Variants in CEMIP2 observed in about 807,000 individuals in gnomAD.
The protein encoded by CEMIP2 is cell surface hyaluronidase CEMIP2.
A neutral mutation model predicts 146.9 loss-of-function variants in CEMIP2; 79 were observed. The ratio of observed to expected loss-of-function variants is 0.54; its 90% CI spans 0.45 to 0.65. The LOEUF (loss-of-function observed/expected upper bound fraction) is 0.65. Ranked by LOEUF, CEMIP2 falls within the 30% of genes least tolerant of loss-of-function variation. The pLI is 0.00. For synonymous variants in CEMIP2, 601 were observed against 606.3 expected (o/e 0.99, Z 0.13); for missense variants, 1,596 against 1,696.2 (o/e 0.94, Z 1.04).
chr9:71,735,863 C>A (rs1231901439), intron 5 of CEMIP2, among the ~76,000 whole-genome samples: 1 of 152,146 alleles, frequency 6.6e-6, no homozygotes, highest in Non-Finnish European at 1.5e-5. Context: ...GAGGCCGATG[C>A]CAGAGGATCA....
At chr9:71,747,242 A>G (rs1263736931) in intron 2 of CEMIP2, among the ~76,000 whole-genome samples, 1 of 152,226 alleles carries the variant, frequency 6.6e-6, no homozygotes, top group Non-Finnish European at 1.5e-5. Flanking sequence ...TCCACTCTGT[A>G]CCAGATATTT....
chr9:71,758,490 G>C (rs915263671), intron 1 of CEMIP2, among the ~76,000 whole-genome samples: 5 of 152,162 alleles, frequency 3.3e-5, no homozygotes, highest in African/African-American at 1.2e-4. Context: ...CCGAAAACAG[G>C]TTACAGTAGT....
At chr9:71,702,220 T>C (rs1358696267) in intron 18 of CEMIP2, among the ~76,000 whole-genome samples, 2 of 143,654 alleles carry the variant, frequency 1.4e-5, no homozygotes, top group Non-Finnish European at 3.0e-5. Flanking sequence ...ATTGCACCAC[T>C]GCATTCTAGC....
Position 71,685,091 on chromosome 9 carries a change from A to G in CEMIP2, c.*106T>C. ...TTCTTTTCTCCCCATTCTGTATCAA[A>G]CTGGAAAATGGTTCCGTTGGGTTAA... is the stretch of plus-strand genomic sequence containing the variant. On this transcript the variant is annotated 3_prime_UTR_variant, in exon 24 of 24. Coordinates refer to ENST00000377044, the MANE Select transcript of CEMIP2 (RefSeq NM_013390.3). The G allele has an allele frequency of 8.9e-7, 1 of 1,127,254 alleles. No homozygotes were observed. The highest frequency in any genetic ancestry group is 1.8e-5 in the South Asian group (1 of 54,170). The allele number at this position is 1,127,254 out of a possible 1,614,324, so 69.8% of individuals were successfully genotyped here.
intron 1 of CEMIP2, among the ~76,000 whole-genome samples, chr9:71,755,398 T>C (rs11142993): frequency 0.49 from 66,670 of 135,900 alleles, 17,522 homozygotes; most frequent in East Asian, 0.61. Context: ...AATCAGCTGG[T>C]TGTGGTGGTT....
At chr9:71,706,512 G>A (rs979125246) in intron 17 of CEMIP2, among the ~76,000 whole-genome samples, 4 of 152,086 alleles carry the variant, frequency 2.6e-5, no homozygotes, top group Non-Finnish European at 4.4e-5. Flanking sequence ...ACTCTGATTT[G>A]TAATATAGAT....
At chr9:71,688,931 G>A (rs568888453) in intron 22 of CEMIP2, among the ~76,000 whole-genome samples, 5 of 152,184 alleles carry the variant, frequency 3.3e-5, no homozygotes, top group African/African-American at 7.2e-5. Context: ...TTTTGCAAAC[G>A]AAACCTATCT....
intron 5 of CEMIP2, among the ~76,000 whole-genome samples, chr9:71,736,361 G>A (rs1358327013): frequency 6.6e-6 from 1 of 152,156 alleles, no homozygotes; most frequent in African/African-American, 2.4e-5. Context: ...AGCTGCATCA[G>A]TGAAGGTAGC....
rs151054802 is a variant in CEMIP2, at chr9:71,698,099, C to T, written c.3483G>A (p.Lys1161=). 6.2e-7 allele frequency: 1 copy of T among 1,614,118 alleles called. No homozygotes were observed. Among genetic ancestry groups the T allele is most frequent in the African/African-American group, 1.3e-5 (1 of 75,032 alleles). The change falls in exon 20 of 24, where the codon AAG becomes AAA. Residue 1161 remains lysine (K), a synonymous_variant. Coordinates refer to ENST00000377044, the MANE Select transcript of CEMIP2 (RefSeq NM_013390.3). ...RVKIQAATDS[K]DISNCMAKAY... is the part of the protein sequence containing the mutation. Reference sequence around the variant, plus strand: ...CTTTGGCCATGCAGTTACTGATGTCCTTTGAGTCTGTGGCTGCTTGGATCT... The same window carrying T: ...CTTTGGCCATGCAGTTACTGATGTCTTTTGAGTCTGTGGCTGCTTGGATCT...
Position 71,698,791 on chromosome 9 carries a change from TCTTCCCACTGC to T in CEMIP2, c.3378-598_3378-588del, listed in dbSNP as rs960133559. On this transcript the variant is annotated intron_variant, in intron 19 of 23. Coordinates refer to ENST00000377044, the MANE Select transcript of CEMIP2 (RefSeq NM_013390.3). ...AGTCCATCCCACCCATTCTGAATTA[TCTTCCCACTGC>T]CAAGATGAATGAAAAAGTCTAACTT... 1.2e-4 allele frequency among the ~76,000 whole-genome samples: 19 copies of T among 152,302 alleles called. 1 individual carries two copies. Among genetic ancestry groups the T allele is most frequent in the Admixed American group, 4.6e-4 (7 of 15,292 alleles).
intron 1 of CEMIP2, among the ~76,000 whole-genome samples, chr9:71,756,576 T>C (rs995200519): frequency 1.3e-5 from 2 of 151,182 alleles, no homozygotes; most frequent in South Asian, 2.1e-4. Context: ...GAGAGAAATT[T>C]CCTATTTAAT....
At chr9:71,733,271 C>T (rs775094014) in intron 6 of CEMIP2, among the ~76,000 whole-genome samples, 24 of 152,136 alleles carry the variant, frequency 1.6e-4, no homozygotes, top group Non-Finnish European at 2.8e-4. Context: ...TGTAGAAGCA[C>T]TTTAATAATG....
chr9:71,736,835 T>C (rs924086125), intron 5 of CEMIP2, among the ~76,000 whole-genome samples: 4 of 152,198 alleles, frequency 2.6e-5, no homozygotes, highest in Admixed American at 1.3e-4. Flanking sequence ...ATATCAGTAC[T>C]TCTCTGTCGT....
At chr9:71,692,340 CTCTCTCTCTCTCTCTCTACCCCCCA>C (rs1447945457) in intron 21 of CEMIP2, among the ~76,000 whole-genome samples, 1 of 112,708 alleles carries the variant, frequency 8.9e-6, no homozygotes, top group South Asian at 3.1e-4. Flanking sequence ...CTCCCCATCT[CTCTCTCTCTCTCTCTCTACCCCCCA>C]TCTCTCTCTC....
At position 71,732,388 on chromosome 9, in the gene CEMIP2, T is replaced by C; in HGVS notation, c.1526A>G (p.Gln509Arg). The C allele has an allele frequency of 6.2e-7, 1 of 1,612,898 alleles. No individual in the cohort carries two copies. Residue 509 changes from glutamine (Q) to arginine (R), a missense_variant, in exon 7 of 24, where the codon CAA becomes CGA. Coordinates refer to ENST00000377044, the MANE Select transcript of CEMIP2 (RefSeq NM_013390.3). ...EDSCYAENQC[Q>R]FFDYDTFGGH... ...CCCAAAGGTATCATAATCAAAAAAT[T>C]GGCACTGATTTTCTGCGTAGCATGA...
chr9:71,690,095 G>A lies in CEMIP2; in HGVS notation c.3848C>T (p.Pro1283Leu), dbSNP rs369271449. 16 of 1,613,920 alleles carry A rather than the reference G, an allele frequency of 9.9e-6. No homozygotes were observed. The highest frequency in any genetic ancestry group is 2.7e-5 in the African/African-American group (2 of 74,926). ...IEEYLKTGIP[P>L]RSIVLLSTRG... ...TTACAGCACAAGCTTGACCTACCTT[G>A]GAGGGATGCCTGTTTTTAAATACTC... Residue 1283 changes from proline (P) to leucine (L), a missense_variant, in exon 22 of 24, where the codon CCA (proline) becomes CTA (leucine). Transcript: ENST00000377044.
intron 10 of CEMIP2, among the ~76,000 whole-genome samples, chr9:71,728,231 C>CTCTCTATATATA (rs1554684626): frequency 2.0e-4 from 3 of 14,776 alleles, no homozygotes; most frequent in African/African-American, 6.8e-4. Flanking sequence ...CTCTCTCTCT[C>CTCTCTATATATA]TATATATATA....
chr9:71,731,197 A>T (rs554358688), intron 7 of CEMIP2, among the ~76,000 whole-genome samples: 20 of 152,308 alleles, frequency 1.3e-4, no homozygotes, highest in African/African-American at 4.1e-4. Flanking sequence ...GATTTGTTCA[A>T]ATATTTTGGT....
At chr9:71,730,318 G>C in intron 8 of CEMIP2, 65 bp from the exon 9 acceptor site, 3 of 1,486,350 alleles carry the variant, frequency 2.0e-6, no homozygotes, top group Non-Finnish European at 2.8e-6. Context: ...AGTGACAAGC[G>C]CTATCCAGTG....
Sources: gnomAD v4.1 joint callset for allele counts (sites outside exome capture counted in the v4.1 genomes callset) on GRCh38, gnomAD v4.1.1 for gene constraint, MANE v1.5 for transcripts, NCBI Gene and HGNC (gene_info 2026-07-23, HGNC 2026-07-21) for gene names.